The following EIF4G3 variants were observed in gnomAD, a reference collection of about 807,000 sequenced individuals.
EIF4G3 encodes the protein eukaryotic translation initiation factor 4 gamma 3.
A neutral mutation model predicts 186.4 loss-of-function variants in EIF4G3; 34 were observed. The ratio of observed to expected loss-of-function variants is 0.18; its 90% confidence interval spans 0.14 to 0.24. The LOEUF is 0.24. Ranked by LOEUF, EIF4G3 falls within the 10% of genes least tolerant of loss-of-function variation. The pLI is 1.00. For missense variants in EIF4G3, 1,536 were observed against 1,948.5 expected (o/e 0.79, Z 3.99); for synonymous variants, 673 against 679.5 (o/e 0.99, Z 0.15).
rs545022589 is a variant in EIF4G3 at position 21,032,281 on chromosome 1, T to C, written c.-67+18585A>G. ...AGGCATGAAAGGTGAAAAATAGTAA[T>C]TATTAGTTATCTTTGGCAGAACTAT... On this transcript the variant is annotated intron_variant, in intron 4 of 36. Coordinates refer to ENST00000602326, the MANE Select transcript of EIF4G3 (RefSeq NM_001391906.1). Among the ~76,000 whole-genome samples, 140 of 152,294 alleles carry C rather than the reference T, an allele frequency of 9.2e-4. 1 individual carries two copies. Among genetic ancestry groups the C allele is most frequent in the African/African-American group, 3.1e-3 (130 of 41,570 alleles).
At chr1:20,917,999 G>A (rs1471207117) in intron 14 of EIF4G3, among the ~76,000 whole-genome samples, 1 of 151,936 alleles carries the variant, frequency 6.6e-6, no homozygotes, top group Admixed American at 6.6e-5. Flanking sequence ...GATTCCAAGG[G>A]CTTTTTTTCT....
chr1:21,000,334 A>G (rs1295864838), intron 6 of EIF4G3, among the ~76,000 whole-genome samples: 2 of 152,174 alleles, frequency 1.3e-5, no homozygotes, highest in African/African-American at 4.8e-5. Context: ...GTTGGATTGC[A>G]AAGGCAGCTG....
chr1:21,048,327 A>G (rs985400502), intron 4 of EIF4G3, among the ~76,000 whole-genome samples: 14 of 152,262 alleles, frequency 9.2e-5, no homozygotes, highest in African/African-American at 3.4e-4. Flanking sequence ...TCATATCAAA[A>G]TTCACTGTTT....
intron 26 of EIF4G3, 136 bp downstream of exon 26, chr1:20,854,842 G>T (rs1018642876): frequency 3.6e-6 from 2 of 551,628 alleles, no homozygotes; most frequent in African/African-American, 3.9e-5. Context: ...GAAAGGAAAG[G>T]GCTACCAATA....
intron 25 of EIF4G3, among the ~76,000 whole-genome samples, chr1:20,856,223 G>GCAAA (rs1170378829): frequency 6.6e-6 from 1 of 152,182 alleles, no homozygotes; most frequent in Admixed American, 6.5e-5. Context: ...CTATCATGAA[G>GCAAA]CAAAGCTTTG....
Position 20,981,116 on chromosome 1 carries a change from T to C in EIF4G3, c.310A>G (p.Ile104Val), listed in dbSNP as rs2077861470. The change falls in exon 9 of 37, where the codon ATC (isoleucine) becomes GTC (valine). Residue 104 changes from isoleucine to valine, a missense_variant. Around this residue, in one of 11 missense-constraint regions of EIF4G3, gnomAD observed 194 missense variants for 212.8 expected, o/e 0.91. Coordinates refer to ENST00000602326, the MANE Select transcript of EIF4G3 (RefSeq NM_001391906.1). ...ATGGGCAGATGGTTAACCATCATGA[T>C]GTGCTGATTAGCCTGGTACACTGCA... ...PTAVYQANQH[I>V]MMVNHLPMPY... The C allele has an allele frequency of 1.2e-6, 2 of 1,613,706 alleles. No individual in the cohort carries two copies. Among genetic ancestry groups the C allele is most frequent in the East Asian group, 2.2e-5 (1 of 44,872 alleles).
chr1:20,860,891 G>A (rs1351942703), intron 23 of EIF4G3, among the ~76,000 whole-genome samples: 1 of 152,172 alleles, frequency 6.6e-6, no homozygotes, highest in East Asian at 1.9e-4. Context: ...AAATAAAAAT[G>A]ATGAGGATTC....
intron 13 of EIF4G3, among the ~76,000 whole-genome samples, chr1:20,947,456 A>C (rs889985951): frequency 2.0e-5 from 3 of 152,078 alleles, no homozygotes; most frequent in Non-Finnish European, 4.4e-5. Context: ...AAAAAAAAAA[A>C]ACTCTGAAAA....
chr1:21,077,963 G>GCTCC (rs1264104902), intron 3 of EIF4G3, among the ~76,000 whole-genome samples: 1 of 150,634 alleles, frequency 6.6e-6, no homozygotes, highest in Non-Finnish European at 1.5e-5. Context: ...GGGAACATAA[G>GCTCC]TTAGTAAGGC....
intron 3 of EIF4G3, chr1:21,064,554 T>A (rs2095127582): frequency 6.6e-6 from 1 of 152,214 alleles, no homozygotes; most frequent in Non-Finnish European, 1.5e-5. Flanking sequence ...TTTATTTCTT[T>A]CACTGCTAAT....
At chr1:20,982,437 G>T (rs768239752) in intron 7 of EIF4G3, 29 bp from the exon 8 acceptor site, 11 of 1,519,628 alleles carry the variant, frequency 7.2e-6, no homozygotes, top group South Asian at 1.2e-5. Flanking sequence ...AAAGCAGCAG[G>T]AAACAGAAAG....
rs1279399723 is a variant in EIF4G3, at chr1:20,851,398, C to A, written c.3632G>T (p.Gly1211Val). ...ATTGTCTAGCAGGTCTTTACTGCTG[C>A]CACCCCTCATGAAAGTATTTGGCCG... is the stretch of plus-strand genomic sequence containing the variant. ...TARPNTFMRGGSSKDLLDNQS... is the reference protein window; with the variant it reads ...TARPNTFMRGVSSKDLLDNQS... The change falls in exon 28 of 37, where the codon GGC (glycine) becomes GTC (valine). Residue 1211 changes from glycine (G) to valine (V), a missense_variant. This residue lies in a region of EIF4G3 where 395 missense variants were observed against 498.9 expected (regional missense o/e 0.79). Transcript: ENST00000602326. 6.2e-7 allele frequency: 1 copy of A among 1,614,014 alleles called. No homozygotes were observed. The highest frequency in any genetic ancestry group is 8.5e-7 in the Non-Finnish European group (1 of 1,180,040).
At position 21,137,135 on chromosome 1, in the gene EIF4G3, T is replaced by C. The variant is rs145379282; in HGVS notation, c.-272+39040A>G. 3.7e-3 allele frequency among the ~76,000 whole-genome samples: 521 copies of C among 141,178 alleles called. 12 individuals carry two copies. The highest frequency in any genetic ancestry group is 0.037 in the Admixed American group (486 of 13,224). 92.6% of individuals were successfully genotyped at this position (141,178 alleles called of 152,430 possible). A position where few individuals can be genotyped will look rare whatever the true frequency, so the allele number is the denominator to read the frequency against. ...TCATATGATATTACTTTGCTTTTGT[T>C]TGTTTGTTTTTCCTTTTTTTTTTTT... On this transcript the variant is annotated intron_variant, in intron 2 of 36. Coordinates refer to ENST00000602326, the MANE Select transcript of EIF4G3 (RefSeq NM_001391906.1).
intron 2 of EIF4G3, among the ~76,000 whole-genome samples, chr1:21,106,981 C>G (rs1392498977): frequency 6.6e-6 from 1 of 152,256 alleles, no homozygotes; most frequent in South Asian, 2.1e-4. Flanking sequence ...TTTTACACCA[C>G]GTGGGCTACT....
rs910406422 is a variant in EIF4G3, at chr1:20,871,829, G to A, written c.2623-6567C>T. On this transcript the variant is annotated intron_variant, in intron 20 of 36. Transcript: ENST00000602326. The stretch of plus-strand genomic sequence containing the variant: ...AGACTCCATTTCTTTTCTTTTCTCT[G>A]TCTTTTTTTTTTGAGACAGGGTCTC... 2.6e-5 allele frequency among the ~76,000 whole-genome samples: 4 copies of A among 151,928 alleles called. No homozygotes were observed. In the East Asian group the frequency reaches 7.8e-4, roughly 29 times the overall value.
At chr1:21,010,204 T>C (rs183656498) in intron 4 of EIF4G3, among the ~76,000 whole-genome samples, 61 of 151,996 alleles carry the variant, frequency 4.0e-4, no homozygotes, top group African/African-American at 1.4e-3. Context: ...CCCAGCACTT[T>C]GGAAAGTTAA....
chr1:20,922,216 C>G (rs1289998926), intron 14 of EIF4G3, among the ~76,000 whole-genome samples: 3 of 152,162 alleles, frequency 2.0e-5, no homozygotes, highest in Non-Finnish European at 4.4e-5. Flanking sequence ...TTTTTGGTAT[C>G]TCAAATACTT....
At chr1:20,897,420 A>G (rs1478075012) in intron 16 of EIF4G3, among the ~76,000 whole-genome samples, 3 of 151,864 alleles carry the variant, frequency 2.0e-5, no homozygotes, top group Non-Finnish European at 2.9e-5. Context: ...GAGAAAAAAA[A>G]AAAAGCAAAA....
At chr1:20,929,926 A>C (rs2095213271) in intron 14 of EIF4G3, among the ~76,000 whole-genome samples, 1 of 152,190 alleles carries the variant, frequency 6.6e-6, no homozygotes, top group Non-Finnish European at 1.5e-5. Context: ...CATACTTTGA[A>C]GATATTGTGG....
Sources: allele counts gnomAD v4.1 joint callset (sites outside exome capture counted in the v4.1 genomes callset), GRCh38; gene constraint gnomAD v4.1.1; regional missense constraint gnomAD v4.1.1; transcripts MANE v1.5; gene names NCBI Gene and HGNC (gene_info 2026-07-23, HGNC 2026-07-21).